Variants in SRGAP2 observed in about 807,000 individuals in gnomAD.
SRGAP2 encodes SLIT-ROBO Rho GTPase-activating protein 2.
A neutral mutation model predicts 57.2 loss-of-function variants in SRGAP2; 15 were observed. That is an observed-to-expected ratio of 0.26 (90% CI 0.18 to 0.40). The LOEUF (loss-of-function observed/expected upper bound fraction) is 0.40, where lower values mean the gene tolerates loss of function less well. SRGAP2 is among the 10% of genes least tolerant of loss of function. The pLI, the probability that SRGAP2 is intolerant of heterozygous loss-of-function variation, is 1.00. For synonymous variants in SRGAP2, 249 were observed against 248.0 expected, an observed-to-expected ratio of 1.00 and a Z score of -0.04; for missense variants, 520 against 669.6, an observed-to-expected ratio of 0.78 and a Z score of 2.47.
At chr1:206,327,085 G>A (rs1478872163) in intron 3 of SRGAP2, among the ~76,000 whole-genome samples, 1 of 152,114 alleles carries the variant, frequency 6.6e-6, no homozygotes, top group Non-Finnish European at 1.5e-5. Context: ...CCAGCACTTT[G>A]GGAGGCCAAT....
At chr1:206,452,655 G>A (rs373707235) in intron 19 of SRGAP2, among the ~76,000 whole-genome samples, 5 of 152,240 alleles carry the variant, frequency 3.3e-5, no homozygotes, top group African/African-American at 2.4e-5. Flanking sequence ...TTGGGAGGCC[G>A]AGGCAGGCAG....
chr1:206,351,936 A>T (rs1553338228), intron 4 of SRGAP2, among the ~76,000 whole-genome samples: 1 of 152,192 alleles, frequency 6.6e-6, no homozygotes, highest in African/African-American at 2.4e-5. Flanking sequence ...TTAGGTATCT[A>T]CCTTTTCTAA....
At chr1:206,384,715 G>A (rs1282625356) in intron 5 of SRGAP2, among the ~76,000 whole-genome samples, 13 of 149,924 alleles carry the variant, frequency 8.7e-5, no homozygotes, top group Non-Finnish European at 1.9e-4. Flanking sequence ...TGGCTGGTGC[G>A]TGTTAATTCA....
chr1:206,297,955 C>CTACA (rs1671676335), intron 2 of SRGAP2, among the ~76,000 whole-genome samples: 1 of 143,522 alleles, frequency 7.0e-6, no homozygotes, highest in African/African-American at 2.6e-5. Flanking sequence ...AATTTGGAGT[C>CTACA]TACATGATTG....
chr1:206,268,084 T>A (rs1288035111), intron 2 of SRGAP2, among the ~76,000 whole-genome samples: 16,310 of 141,684 alleles, frequency 0.12, 1,003 homozygotes, highest in African/African-American at 0.23. Flanking sequence ...TATATATATT[T>A]TTTTTTTTTT....
intron 13 of SRGAP2, among the ~76,000 whole-genome samples, chr1:206,423,949 A>ATTG (rs1660553477): frequency 2.3e-5 from 2 of 87,744 alleles, no homozygotes; most frequent in African/African-American, 8.4e-5. Context: ...TAATTTATGT[A>ATTG]TTTTTTTTTT....
intron 3 of SRGAP2, among the ~76,000 whole-genome samples, chr1:206,335,012 G>A (rs868974092): frequency 0.025 from 3,785 of 150,162 alleles, 233 homozygotes; most frequent in African/African-American, 0.09. Flanking sequence ...TGATATTGAT[G>A]GTTATGAATT....
rs559767470 is a variant in SRGAP2, at chr1:206,334,548, C to A, written c.261-8298C>A. Among the ~76,000 whole-genome samples the A allele has an allele frequency of 4.6e-5, 7 of 152,136 alleles. No homozygotes were observed. The South Asian group carries it at 1.5e-3, about 32-fold the overall frequency. ...TGGGAGGGGGAGATCTTTATGGATA[C>A]CCTTTCTTCTCAGTGGCTTATTGCT... On this transcript the variant is annotated intron_variant, in intron 3 of 22. Transcript: ENST00000573034.
At chr1:206,282,167 G>A (rs1670777793) in intron 2 of SRGAP2, among the ~76,000 whole-genome samples, 1 of 67,882 alleles carries the variant, frequency 1.5e-5, no homozygotes, top group Non-Finnish European at 2.7e-5. Flanking sequence ...CAAATGCTAA[G>A]TTTTAATGTC....
chr1:206,210,608 A>G (rs1666258247), intron 2 of SRGAP2, among the ~76,000 whole-genome samples: 1 of 149,912 alleles, frequency 6.7e-6, no homozygotes, highest in African/African-American at 2.5e-5. Flanking sequence ...GTGTGTGTAT[A>G]TATACTTGGG....
intron 4 of SRGAP2, among the ~76,000 whole-genome samples, chr1:206,361,434 A>G (rs1482845747): frequency 6.6e-6 from 1 of 151,124 alleles, no homozygotes; most frequent in Non-Finnish European, 1.5e-5. Context: ...AAACTGAACA[A>G]GAAGCATACT....
intron 10 of SRGAP2, among the ~76,000 whole-genome samples, chr1:206,411,301 G>A (rs1035841826): frequency 6.6e-6 from 1 of 152,186 alleles, no homozygotes; most frequent in Admixed American, 6.5e-5. Context: ...GAAGGTAATA[G>A]GAGAGGAGGC....
chr1:206,233,536 C>A (rs1667759695), intron 2 of SRGAP2, among the ~76,000 whole-genome samples: 1 of 143,802 alleles, frequency 7.0e-6, no homozygotes, highest in African/African-American at 2.6e-5. Context: ...CTCTCTGCTG[C>A]CTAGTTGCAG....
intron 22 of SRGAP2, among the ~76,000 whole-genome samples, chr1:206,460,505 G>T (rs1664172862): frequency 6.6e-6 from 1 of 152,016 alleles, no homozygotes; most frequent in Non-Finnish European, 1.5e-5. Flanking sequence ...AGGCGTATTG[G>T]GCTCCTGAAA....
At position 206,307,427 on chromosome 1, in the gene SRGAP2, C is replaced by T. The variant is rs1428375652; in HGVS notation, c.260+3954C>T. Among the ~76,000 whole-genome samples the T allele has an allele frequency of 2.6e-5, 4 of 152,236 alleles. No homozygotes were observed. The East Asian group carries it at 7.7e-4, about 29-fold the overall frequency. On this transcript the variant is annotated intron_variant, in intron 3 of 22. Transcript: ENST00000573034. ...CGCACCGGGGCTGCAGGTGGAGCTG[C>T]CTGCCAGTCCTGCGCTGTGCGCTCG...
intron 2 of SRGAP2, among the ~76,000 whole-genome samples, chr1:206,276,498 G>T (rs1670421438): frequency 6.8e-6 from 1 of 146,094 alleles, no homozygotes; most frequent in African/African-American, 2.6e-5. Context: ...GTTGAGGAAG[G>T]GTGGGAAGGT....
At chr1:206,301,952 C>T (rs1671898492) in intron 2 of SRGAP2, among the ~76,000 whole-genome samples, 1 of 149,040 alleles carries the variant, frequency 6.7e-6, no homozygotes. Context: ...TCCTGATTTG[C>T]CTCTGATTTA....
At position 206,454,781 on chromosome 1, in the gene SRGAP2, C is replaced by T. The variant is rs1035910418; in HGVS notation, c.2361-97C>T. On this transcript the variant is annotated intron_variant, in intron 20 of 22. Coordinates refer to ENST00000573034, the MANE Select transcript of SRGAP2 (RefSeq NM_015326.5). This position sits in a 1 kb window ranked among gnomAD's most constrained non-coding sequence, Gnocchi z 4.3. Reference sequence around the variant, plus strand: ...CTGCTGCCTCAGAGCTGTGTGGGGTCGCGTGTATGTCGGGGGGCCATCTTG... The same window carrying T: ...CTGCTGCCTCAGAGCTGTGTGGGGTTGCGTGTATGTCGGGGGGCCATCTTG... 1.2e-5 allele frequency: 8 copies of T among 640,062 alleles called. No homozygotes were observed. The highest frequency in any genetic ancestry group is 5.3e-5 in the East Asian group (2 of 37,560). The allele number at this position is 640,062 out of a possible 1,614,324, so 39.6% of individuals were successfully genotyped here.
intron 5 of SRGAP2, among the ~76,000 whole-genome samples, chr1:206,390,005 T>A (rs1440132483): frequency 4.0e-5 from 6 of 150,094 alleles, no homozygotes; most frequent in African/African-American, 1.5e-4. Context: ...TATATCTAAG[T>A]CCTATCTTGG....
Sources: allele counts gnomAD v4.1 joint callset (sites outside exome capture counted in the v4.1 genomes callset), GRCh38; gene constraint gnomAD v4.1.1; non-coding constraint Gnocchi (gnomAD v3.1); transcripts MANE v1.5; gene names NCBI Gene and HGNC (gene_info 2026-07-23, HGNC 2026-07-21).